NKAIN2: variants seen among roughly 807,000 people sequenced by gnomAD.
NKAIN2 encodes the protein sodium/potassium transporting ATPase interacting 2.
NKAIN2 carries 14 observed loss-of-function variants against 32.6 expected under a neutral mutation model. The ratio of observed to expected loss-of-function variants is 0.43; its 90% CI spans 0.28 to 0.67. NKAIN2 has a LOEUF of 0.67. Ranked by LOEUF, NKAIN2 falls within the 30% of genes least tolerant of loss-of-function variation. The pLI is 0.17. For missense variants in NKAIN2, 198 were observed against 258.3 expected, an observed-to-expected ratio of 0.77 and a Z score of 1.60; for synonymous variants, 80 against 87.2, an observed-to-expected ratio of 0.92 and a Z score of 0.46.
chr6:124,112,431 A>G (rs978840591), intron 1 of NKAIN2, among the ~76,000 whole-genome samples: 2 of 152,110 alleles, frequency 1.3e-5, no homozygotes, highest in Non-Finnish European at 2.9e-5. Context: ...AAATTTACTC[A>G]TAGTCTCATG....
intron 1 of NKAIN2, among the ~76,000 whole-genome samples, chr6:123,862,279 A>T (rs529717180): frequency 6.6e-6 from 1 of 152,256 alleles, no homozygotes; most frequent in Admixed American, 6.5e-5. Flanking sequence ...GTGTCATTAA[A>T]ATGTCCTTCT....
At chr6:123,868,114 C>T (rs893625689) in intron 1 of NKAIN2, among the ~76,000 whole-genome samples, 3 of 152,088 alleles carry the variant, frequency 2.0e-5, no homozygotes, top group African/African-American at 7.2e-5. Flanking sequence ...GTGATCTGCC[C>T]ACCTTGGCCT....
At chr6:124,155,694 A>G (rs1335337829) in intron 1 of NKAIN2, among the ~76,000 whole-genome samples, 1 of 152,066 alleles carries the variant, frequency 6.6e-6, no homozygotes, top group African/African-American at 2.4e-5. Context: ...AAAAATCTGA[A>G]GGAAAATAAG....
intron 1 of NKAIN2, among the ~76,000 whole-genome samples, chr6:124,254,528 T>TA (rs1466987050): frequency 2.0e-5 from 3 of 152,174 alleles, no homozygotes. Flanking sequence ...TTCACTATTA[T>TA]ATTATAAAAA....
chr6:124,513,564 T>C (rs1194860156), intron 3 of NKAIN2, among the ~76,000 whole-genome samples: 1 of 152,150 alleles, frequency 6.6e-6, no homozygotes, highest in Admixed American at 6.5e-5. Context: ...AGCAGCAGTG[T>C]CATACTATGT....
At chr6:123,931,542 C>T (rs1776253210) in intron 1 of NKAIN2, among the ~76,000 whole-genome samples, 1 of 152,012 alleles carries the variant, frequency 6.6e-6, no homozygotes, top group Non-Finnish European at 1.5e-5. Flanking sequence ...ATTTTTTATC[C>T]TTATTTTCTC....
chr6:123,889,103 G>A (rs1375316920), intron 1 of NKAIN2, among the ~76,000 whole-genome samples: 1 of 152,128 alleles, frequency 6.6e-6, no homozygotes, highest in Non-Finnish European at 1.5e-5. Flanking sequence ...CCTTGAAAGT[G>A]ATGCTTGACC....
chr6:124,433,389 A>C (rs1204219975), intron 3 of NKAIN2, among the ~76,000 whole-genome samples: 1 of 152,156 alleles, frequency 6.6e-6, no homozygotes, highest in Non-Finnish European at 1.5e-5. Context: ...CTGCCCTTGG[A>C]GGGGCAGTCC....
At chr6:124,122,318 T>G (rs1327891911) in intron 1 of NKAIN2, among the ~76,000 whole-genome samples, 1 of 152,108 alleles carries the variant, frequency 6.6e-6, no homozygotes, top group Non-Finnish European at 1.5e-5. Context: ...CATGTTATCT[T>G]TAAAACAAGA....
At chr6:124,027,718 A>G (rs952899336) in intron 1 of NKAIN2, among the ~76,000 whole-genome samples, 3 of 96,488 alleles carry the variant, frequency 3.1e-5, no homozygotes, top group African/African-American at 9.8e-5. Context: ...TCAAGTTCCA[A>G]ATTAAATAGT....
intron 1 of NKAIN2, among the ~76,000 whole-genome samples, chr6:123,969,065 C>G (rs1364865114): frequency 6.6e-6 from 1 of 152,000 alleles, no homozygotes; most frequent in Non-Finnish European, 1.5e-5. Flanking sequence ...TTGCCTTTAC[C>G]TGGAGGTATA....
intron 1 of NKAIN2, among the ~76,000 whole-genome samples, chr6:124,003,091 A>C (rs1248578360): frequency 1.3e-5 from 2 of 152,220 alleles, no homozygotes; most frequent in Non-Finnish European, 2.9e-5. Flanking sequence ...CAGACAATGC[A>C]ACTATTCCTC....
At chr6:124,575,910 C>G (rs571865343) in intron 3 of NKAIN2, among the ~76,000 whole-genome samples, 12 of 152,214 alleles carry the variant, frequency 7.9e-5, no homozygotes, top group African/African-American at 2.9e-4. Flanking sequence ...TTATCTTTTT[C>G]ACAGTGTTGA....
chr6:124,245,898 A>C (rs1301297220), intron 1 of NKAIN2, among the ~76,000 whole-genome samples: 1 of 152,156 alleles, frequency 6.6e-6, no homozygotes, highest in East Asian at 1.9e-4. Context: ...AGTTGCTTAA[A>C]GTGGAACCAA....
At chr6:124,598,630 G>T (rs563574128) in intron 3 of NKAIN2, among the ~76,000 whole-genome samples, 4 of 151,666 alleles carry the variant, frequency 2.6e-5, no homozygotes, top group African/African-American at 9.7e-5. Context: ...CCACCGAGGA[G>T]GGCCCTGGAT....
intron 1 of NKAIN2, among the ~76,000 whole-genome samples, chr6:123,955,310 G>T (rs533748065): frequency 6.6e-6 from 1 of 151,846 alleles, no homozygotes; most frequent in African/African-American, 2.4e-5. Context: ...TATCATTAAT[G>T]GCTGATCATG....
intron 1 of NKAIN2, among the ~76,000 whole-genome samples, chr6:124,061,932 A>G (rs748667854): frequency 6.6e-6 from 1 of 152,188 alleles, no homozygotes; most frequent in African/African-American, 2.4e-5. Flanking sequence ...AGCTAGAGAT[A>G]AGAGAATGGA....
intron 1 of NKAIN2, among the ~76,000 whole-genome samples, chr6:123,989,160 G>T (rs1779303267): frequency 6.6e-6 from 1 of 152,070 alleles, no homozygotes; most frequent in Admixed American, 6.6e-5. Flanking sequence ...GAGCTTTGAG[G>T]ATACAATAAA....
At chr6:124,577,406 G>T (rs1409308330) in intron 3 of NKAIN2, among the ~76,000 whole-genome samples, 3 of 152,038 alleles carry the variant, frequency 2.0e-5, no homozygotes, top group Non-Finnish European at 4.4e-5. Flanking sequence ...GGGGACAGAA[G>T]GCACAGTGAT....
Sources: gnomAD v4.1 joint callset for allele counts (sites outside exome capture counted in the v4.1 genomes callset) on GRCh38, gnomAD v4.1.1 for gene constraint, MANE v1.5 for transcripts, NCBI Gene and HGNC (gene_info 2026-07-23, HGNC 2026-07-21) for gene names.